The following FSIP2 variants were observed in gnomAD, a reference collection of about 807,000 sequenced individuals.
FSIP2 encodes fibrous sheath interacting protein 2.
In FSIP2, 367 loss-of-function variants were observed where a neutral mutation model predicts 510.5. The observed-to-expected ratio is 0.72, with a 90% CI of 0.66 to 0.78. The LOEUF is 0.78. Among genes scored for constraint, FSIP2 ranks in the 30% least tolerant of loss-of-function variants. The pLI is 0.00. For synonymous variants in FSIP2, 2,601 were observed against 2,732.2 expected, an observed-to-expected ratio of 0.95 and a Z score of 1.50; for missense variants, 7,594 against 7,901.7, an observed-to-expected ratio of 0.96 and a Z score of 1.48.
chr2:185,796,251 A>G lies in FSIP2; in HGVS notation c.9115A>G (p.Met3039Val). 6.5e-7 allele frequency: 1 copy of G among 1,531,130 alleles called. No individual in the cohort carries two copies. The highest frequency in any genetic ancestry group is 8.7e-7 in the Non-Finnish European group (1 of 1,145,116). The allele number at this position is 1,531,130 out of a possible 1,614,324, so 94.8% of individuals were successfully genotyped here. ...SIQQKLLNKK[M>V]LPKLQPLKMF... is the part of the protein sequence containing the mutation. ...CCAACAGAAACTGTTAAACAAAAAA[A>G]TGTTGCCAAAATTACAACCACTGAA... Residue 3039 changes from methionine to valine, a missense_variant, in exon 16 of 23, where the codon ATG (methionine) becomes GTG (valine). Physicochemically the swap from Met to Val is conservative, Grantham distance 21. Transcript: ENST00000424728.
In FSIP2 at chr2:185,792,788, C is replaced by G. The variant is rs2105618362; in HGVS notation, c.5652C>G (p.Thr1884=). The part of the protein sequence containing the change: ...FSANVSSHEH[T]YKGKSSVTAL... ...CAAATGTTTCTTCTCATGAACACAC[C>G]TATAAAGGAAAGTCCTCTGTCACGG... The change falls in exon 16 of 23, where the codon ACC becomes ACG. Residue 1884 remains threonine (T), a synonymous_variant. Coordinates refer to ENST00000424728, the MANE Select transcript of FSIP2 (RefSeq NM_173651.4). 6.5e-7 allele frequency: 1 copy of G among 1,534,090 alleles called. No homozygotes were observed. The highest frequency in any genetic ancestry group is 8.7e-7 in the Non-Finnish European group (1 of 1,145,476).
rs1278844935 is a variant in FSIP2, at chr2:185,790,273, A to T, written c.3137A>T (p.Lys1046Ile). 1 of 1,533,444 alleles carries T rather than the reference A, an allele frequency of 6.5e-7. No individual in the cohort carries two copies. Among genetic ancestry groups the T allele is most frequent in the African/African-American group, 1.4e-5 (1 of 72,908 alleles). The allele number at this position is 1,533,444 out of a possible 1,614,324, so 95.0% of individuals were successfully genotyped here. A position where few individuals can be genotyped will look rare whatever the true frequency, so the allele number is the denominator to read the frequency against. ...AAGGGAAACACTTGTTTTGAATGCA[A>T]AAGAAATATCAAACCACCTACAAAG... ...FTKGNTCFEC[K>I]RNIKPPTKPG... Residue 1046 changes from lysine to isoleucine, a missense_variant, in exon 16 of 23, where the codon AAA (lysine) becomes ATA (isoleucine). Transcript: ENST00000424728.
At position 185,805,226 on chromosome 2, in the gene FSIP2, A is replaced by C; in HGVS notation, c.15920A>C (p.Asp5307Ala). Residue 5307 changes from aspartate to alanine, a missense_variant, in exon 17 of 23, where the codon GAT becomes GCT. Transcript: ENST00000424728. ...AAGAAAAATGAAATGGCAGAGCTAGATATTATGGGCTTGGCTCTAAAACTT... is the reference window on the plus strand; with the variant it reads ...AAGAAAAATGAAATGGCAGAGCTAGCTATTATGGGCTTGGCTCTAAAACTT... ...DSKKNEMAEL[D>A]IMGLALKLAN... The C allele has an allele frequency of 6.2e-7, 1 of 1,600,752 alleles. No individual in the cohort carries two copies. The highest frequency in any genetic ancestry group is 1.1e-5 in the South Asian group (1 of 88,340).
chr2:185,817,886 A>C (rs1693852185), intron 19 of FSIP2, among the ~76,000 whole-genome samples: 1 of 151,998 alleles, frequency 6.6e-6, no homozygotes, highest in Admixed American at 6.6e-5. Context: ...CAGAAAAATT[A>C]TAAAAAAGAA....
rs778000040 is a variant in FSIP2 at position 185,800,497 on chromosome 2, A to G, written c.11191A>G (p.Asn3731Asp). The change falls in exon 17 of 23, where the codon AAT becomes GAT. Residue 3731 changes from asparagine (N) to aspartate (D), a missense_variant. Transcript: ENST00000424728. ...KIQRTYFYSS[N>D]NEQPNSILTN... ...ACAAAGAACATATTTCTACTCCTCG[A>G]ATAATGAGCAACCTAATAGCATACT... The G allele has an allele frequency of 8.3e-5, 127 of 1,533,290 alleles. No homozygotes were observed. The highest frequency in any genetic ancestry group is 1.0e-4 in the Non-Finnish European group (120 of 1,145,404). 95.0% of individuals were successfully genotyped at this position (1,533,290 alleles called of 1,614,324 possible). A position where few individuals can be genotyped will look rare whatever the true frequency, so the allele number is the denominator to read the frequency against.
chr2:185,805,338 TAAAG>T lies in FSIP2; in HGVS notation c.16034_16037del (p.Lys5345ArgfsTer15), dbSNP rs751955836. 2.5e-6 allele frequency: 4 copies of T among 1,598,872 alleles called. No individual in the cohort carries two copies. In the South Asian group the frequency reaches 4.5e-5, roughly 18 times the overall value. ...AAATGTTTTCTTTTCCACCAATTGA[TAAAG>T]AGACAGTTGATAAAATATCCAATTT... On this transcript the variant is annotated frameshift_variant, in exon 17 of 23. Transcript: ENST00000424728. LOFTEE classifies it high-confidence loss of function.
chr2:185,759,378 T>A (rs1338423734), intron 9 of FSIP2, among the ~76,000 whole-genome samples: 1 of 147,366 alleles, frequency 6.8e-6, no homozygotes, highest in Non-Finnish European at 1.5e-5. Context: ...AAACTCTACT[T>A]ATTCATAATG....
chr2:185,754,724 T>C (rs1398693365), intron 8 of FSIP2, among the ~76,000 whole-genome samples: 2 of 151,500 alleles, frequency 1.3e-5, no homozygotes. Context: ...TATTTTACAC[T>C]ACATCCTTGA....
chr2:185,767,653 A>ATCTG (rs769627920), intron 13 of FSIP2, among the ~76,000 whole-genome samples: 65 of 152,120 alleles, frequency 4.3e-4, no homozygotes, highest in Non-Finnish European at 5.0e-4. Flanking sequence ...ATTGTATTAT[A>ATCTG]TCTGTCTGTC....
chr2:185,801,475 C>A lies in FSIP2; in HGVS notation c.12169C>A (p.Gln4057Lys). ...CTCAGTTTATTATGATGTTTTACAG[C>A]AGTATGAATTAAAAGTGGCCTGTGG... ...VDSVYYDVLQ[Q>K]YELKVACGNN... The change falls in exon 17 of 23, where the codon CAG becomes AAG. Residue 4057 changes from glutamine (Q) to lysine (K), a missense_variant. By Grantham distance (53) the Gln-to-Lys change is moderately conservative (BLOSUM62 1). Transcript: ENST00000424728. 1 of 1,533,600 alleles carries A rather than the reference C, an allele frequency of 6.5e-7. No homozygotes were observed. Among genetic ancestry groups the A allele is most frequent in the African/African-American group, 1.4e-5 (1 of 72,944 alleles). 95.0% of individuals were successfully genotyped at this position (1,533,600 alleles called of 1,614,324 possible). A position where few individuals can be genotyped will look rare whatever the true frequency, so the allele number is the denominator to read the frequency against.
Position 185,808,955 on chromosome 2 carries a change from C to T in FSIP2, c.19649C>T (p.Pro6550Leu). 1.2e-6 allele frequency: 2 copies of T among 1,609,388 alleles called. No individual in the cohort carries two copies. Among genetic ancestry groups the T allele is most frequent in the South Asian group, 1.1e-5 (1 of 89,986 alleles). ...GCAGTTATTTCTATAAAAACTCAAC[C>T]TCTTGAGAAACTTAAGCAGGAGTGT... ...HLAVISIKTQ[P>L]LEKLKQECLK... The change falls in exon 17 of 23, where the codon CCT (proline) becomes CTT (leucine). Residue 6550 changes from proline (P) to leucine (L), a missense_variant. By Grantham distance (98) the Pro-to-Leu change is moderately conservative. Transcript: ENST00000424728.
At chr2:185,782,237 GAGT>G (rs1185476361) in intron 13 of FSIP2, among the ~76,000 whole-genome samples, 4 of 152,164 alleles carry the variant, frequency 2.6e-5, no homozygotes, top group African/African-American at 7.2e-5. Context: ...GTAGCATGAT[GAGT>G]TTTATAATAT....
chr2:185,776,396 T>G (rs1388191496), intron 13 of FSIP2, among the ~76,000 whole-genome samples: 2 of 152,162 alleles, frequency 1.3e-5, no homozygotes, highest in East Asian at 3.8e-4. Context: ...TTTCATTGCT[T>G]TATACGTATT....
chr2:185,793,995 C>T lies in FSIP2; in HGVS notation c.6859C>T (p.Pro2287Ser). 6.5e-7 allele frequency: 1 copy of T among 1,532,924 alleles called. No individual in the cohort carries two copies. The highest frequency in any genetic ancestry group is 8.7e-7 in the Non-Finnish European group (1 of 1,144,870). The allele number at this position is 1,532,924 out of a possible 1,614,324, so 95.0% of individuals were successfully genotyped here. A position where few individuals can be genotyped will look rare whatever the true frequency, so the allele number is the denominator to read the frequency against. Residue 2287 changes from proline to serine, a missense_variant, in exon 16 of 23, where the codon CCA (proline) becomes TCA (serine). Transcript: ENST00000424728. ...FQSKEKSFVI[P>S]ELENCKQNDS... ...AAGTAAAGAAAAGTCATTTGTTATCCCAGAATTGGAAAATTGTAAACAAAA... is the reference window on the plus strand; with the variant it reads ...AAGTAAAGAAAAGTCATTTGTTATCTCAGAATTGGAAAATTGTAAACAAAA...
chr2:185,796,743 T>C lies in FSIP2; in HGVS notation c.9607T>C (p.Ser3203Pro). ...AGATATGAAAGAAAAGTACAGGGTT[T>C]CATCAGATTTACCCACCTCTGTCAG... is the stretch of plus-strand genomic sequence containing the variant. ...DEDMKEKYRV[S>P]SDLPTSVRSS... Residue 3203 changes from serine to proline, a missense_variant, in exon 16 of 23, where the codon TCA becomes CCA. Coordinates refer to ENST00000424728, the MANE Select transcript of FSIP2 (RefSeq NM_173651.4). The C allele has an allele frequency of 6.5e-7, 1 of 1,535,126 alleles. No individual in the cohort carries two copies. The highest frequency in any genetic ancestry group is 1.4e-5 in the African/African-American group (1 of 73,064).
chr2:185,822,050 G>A (rs1037742988), intron 19 of FSIP2, among the ~76,000 whole-genome samples: 1 of 151,896 alleles, frequency 6.6e-6, no homozygotes, highest in African/African-American at 2.4e-5. Flanking sequence ...CAGCAGAGCA[G>A]GAAGAGAAGG....
At chr2:185,832,423 T>C (rs1014292904) in intron 22 of FSIP2, among the ~76,000 whole-genome samples, 2 of 151,848 alleles carry the variant, frequency 1.3e-5, no homozygotes, top group Non-Finnish European at 2.9e-5. Flanking sequence ...GTTCTTCCAG[T>C]TTTTCAAAAG....
rs1326734514 is a variant in FSIP2 at position 185,795,135 on chromosome 2, A to G, written c.7999A>G (p.Arg2667Gly). ...KPCFKAHLKTRSKITTLPKFT... is the reference protein window; with the variant it reads ...KPCFKAHLKTGSKITTLPKFT... Reference sequence around the variant, plus strand: ...ATGCTTTAAAGCACATTTAAAAACAAGATCAAAAATTACCACTTTGCCTAA... The same window carrying G: ...ATGCTTTAAAGCACATTTAAAAACAGGATCAAAAATTACCACTTTGCCTAA... Residue 2667 changes from arginine to glycine, a missense_variant, in exon 16 of 23, where the codon AGA becomes GGA. Coordinates refer to ENST00000424728, the MANE Select transcript of FSIP2 (RefSeq NM_173651.4). The G allele has an allele frequency of 6.5e-6, 10 of 1,535,012 alleles. No individual in the cohort carries two copies. The highest frequency in any genetic ancestry group is 7.0e-6 in the Non-Finnish European group (8 of 1,146,180).
chr2:185,791,037 A>T lies in FSIP2; in HGVS notation c.3901A>T (p.Ile1301Phe). The T allele has an allele frequency of 1.3e-6, 2 of 1,532,320 alleles. No homozygotes were observed. The highest frequency in any genetic ancestry group is 1.7e-6 in the Non-Finnish European group (2 of 1,144,730). The allele number at this position is 1,532,320 out of a possible 1,614,324, so 94.9% of individuals were successfully genotyped here. Residue 1301 changes from isoleucine (I) to phenylalanine (F), a missense_variant, in exon 16 of 23, where the codon ATT becomes TTT. By Grantham distance (21) the Ile-to-Phe change is conservative. Transcript: ENST00000424728. Reference sequence around the variant, plus strand: ...TAAGTACACAGCTAAAATAGTAAACATTGTTTTATGTGCTATCCAGAATGA... The same window carrying T: ...TAAGTACACAGCTAAAATAGTAAACTTTGTTTTATGTGCTATCCAGAATGA... ...LSKYTAKIVN[I>F]VLCAIQNELE...
Sources: allele counts gnomAD v4.1 joint callset (sites outside exome capture counted in the v4.1 genomes callset), GRCh38; gene constraint gnomAD v4.1.1; transcripts MANE v1.5; gene names NCBI Gene and HGNC (gene_info 2026-07-23, HGNC 2026-07-21).